CTIF: variants seen among roughly 807,000 people sequenced by gnomAD.
CTIF encodes the protein cap binding complex dependent translation initiation factor.
A neutral mutation model predicts 66.0 loss-of-function variants in CTIF; 21 were observed. The observed-to-expected ratio is 0.32, with a 90% confidence interval of 0.23 to 0.46. The LOEUF is 0.46. CTIF is among the 20% of genes least tolerant of loss of function. CTIF has a pLI of 1.00. For synonymous variants in CTIF, 345 were observed against 326.4 expected (o/e 1.06, Z -0.62); for missense variants, 739 against 812.7 (o/e 0.91, Z 1.10).
At chr18:48,545,571 G>T (rs2088726391) in intron 1 of CTIF, among the ~76,000 whole-genome samples, 1 of 152,184 alleles carries the variant, frequency 6.6e-6, no homozygotes, top group African/African-American at 2.4e-5. Context: ...CTGACTAGAT[G>T]GACGGCAGCT....
At chr18:48,540,737 G>A (rs1334062852) in intron 1 of CTIF, among the ~76,000 whole-genome samples, 5 of 152,060 alleles carry the variant, frequency 3.3e-5, no homozygotes, top group African/African-American at 9.7e-5. Context: ...TGTGTGTGGG[G>A]GGCGGGGACC....
chr18:48,581,184 T>C (rs1282958079), intron 1 of CTIF, among the ~76,000 whole-genome samples: 1 of 152,230 alleles, frequency 6.6e-6, no homozygotes, highest in East Asian at 1.9e-4. Context: ...ATGCAGGGGC[T>C]GATGACTGAG....
Position 48,644,037 on chromosome 18 carries a change from A to G in CTIF, c.252+7352A>G, listed in dbSNP as rs202066418. ...TGATTCAGCCGCAAGCCCCCTTCTC[A>G]TTGCTCCAGCTGACGGTTTTTATTT... On this transcript the variant is annotated intron_variant, in intron 3 of 11. Coordinates refer to ENST00000256413, the MANE Select transcript of CTIF (RefSeq NM_014772.3). 6.6e-5 allele frequency among the ~76,000 whole-genome samples: 10 copies of G among 152,204 alleles called. No individual in the cohort carries two copies. In the East Asian group the frequency reaches 1.7e-3, roughly 26 times the overall value.
chr18:48,654,895 G>A (rs774061726), intron 3 of CTIF, among the ~76,000 whole-genome samples: 6 of 151,770 alleles, frequency 4.0e-5, no homozygotes, highest in Non-Finnish European at 5.9e-5. Flanking sequence ...AACACCACAC[G>A]TTCTCACTCA....
At chr18:48,556,827 A>G (rs1430774605) in intron 1 of CTIF, among the ~76,000 whole-genome samples, 1 of 151,944 alleles carries the variant, frequency 6.6e-6, no homozygotes, top group Non-Finnish European at 1.5e-5. Context: ...GGCCTCCCAA[A>G]GTGCTGAGAT....
intron 5 of CTIF, among the ~76,000 whole-genome samples, chr18:48,666,276 T>C (rs2091433960): frequency 6.6e-6 from 1 of 152,196 alleles, no homozygotes; most frequent in African/African-American, 2.4e-5. Flanking sequence ...TCACATGTCT[T>C]CCTGCTGCTA....
intron 6 of CTIF, among the ~76,000 whole-genome samples, chr18:48,682,727 T>C (rs1053418629): frequency 4.6e-5 from 7 of 152,220 alleles, no homozygotes; most frequent in East Asian, 1.9e-4. Flanking sequence ...GGTTTGGTGA[T>C]TCAAGGACAA....
At chr18:48,734,122 T>C (rs953913157) in intron 7 of CTIF, among the ~76,000 whole-genome samples, 1 of 152,220 alleles carries the variant, frequency 6.6e-6, no homozygotes, top group Admixed American at 6.5e-5. Flanking sequence ...GGGAACTTCC[T>C]GTAGGGGAAG....
chr18:48,541,582 A>C, intron 1 of CTIF, among the ~76,000 whole-genome samples: 1 of 152,174 alleles, frequency 6.6e-6, no homozygotes, highest in East Asian at 1.9e-4. Flanking sequence ...CGTGAACAGA[A>C]TGCACCGAAC....
chr18:48,687,691 A>G (rs1370854231), intron 6 of CTIF, among the ~76,000 whole-genome samples: 1 of 152,200 alleles, frequency 6.6e-6, no homozygotes, highest in Non-Finnish European at 1.5e-5. Context: ...TCACAGAACC[A>G]GAGAATCGTT....
chr18:48,722,069 A>G (rs1408770950), intron 7 of CTIF, among the ~76,000 whole-genome samples: 2 of 152,154 alleles, frequency 1.3e-5, no homozygotes, highest in Non-Finnish European at 2.9e-5. Context: ...TGTCTCGTGT[A>G]TCTTCAGCTC....
rs553378662 is a variant in CTIF at position 48,787,147 on chromosome 18, TG to T, written c.1371+25464del. Reference sequence around the variant, plus strand: ...CACTGGCTCTCTGGGAGCAGCTGTGTGGGGGGCACCGGCCCAGAAGGATGAC... The same window carrying T: ...CACTGGCTCTCTGGGAGCAGCTGTGTGGGGGCACCGGCCCAGAAGGATGAC... On this transcript the variant is annotated intron_variant, in intron 9 of 11. Transcript: ENST00000256413. Among the ~76,000 whole-genome samples, 181 of 152,134 alleles carry T rather than the reference TG, an allele frequency of 1.2e-3. 1 individual carries two copies. The highest frequency in any genetic ancestry group is 4.2e-3 in the African/African-American group (175 of 41,480).
At chr18:48,850,262 T>C (rs1568268589) in intron 10 of CTIF, among the ~76,000 whole-genome samples, 1 of 152,256 alleles carries the variant, frequency 6.6e-6, no homozygotes, top group Non-Finnish European at 1.5e-5. Context: ...TTTATTCATC[T>C]TTCAGTGAAC....
chr18:48,644,649 G>A (rs1219248544), intron 3 of CTIF, among the ~76,000 whole-genome samples: 1 of 152,238 alleles, frequency 6.6e-6, no homozygotes, highest in African/African-American at 2.4e-5. Flanking sequence ...TTGGGTGCTT[G>A]CTGTATACAT....
intron 3 of CTIF, among the ~76,000 whole-genome samples, chr18:48,641,302 A>G (rs979130067): frequency 6.6e-6 from 1 of 152,232 alleles, no homozygotes; most frequent in East Asian, 1.9e-4. Context: ...CAAGAACAGG[A>G]AATTAATATG....
At position 48,597,570 on chromosome 18, in the gene CTIF, C is replaced by A. The variant is rs541890173; in HGVS notation, c.-28-21968C>A. Among the ~76,000 whole-genome samples the A allele has an allele frequency of 2.8e-5, 4 of 144,368 alleles. No homozygotes were observed. The East Asian group carries it at 6.7e-4, about 24-fold the overall frequency. 94.7% of individuals were successfully genotyped at this position (144,368 alleles called of 152,430 possible). A position where few individuals can be genotyped will look rare whatever the true frequency, so the allele number is the denominator to read the frequency against. On this transcript the variant is annotated intron_variant, in intron 1 of 11. Coordinates refer to ENST00000256413, the MANE Select transcript of CTIF (RefSeq NM_014772.3). ...TGTGTGGTACCCTCCCCCCGCCCCA[C>A]CCCTGCCTTGCTCCTGCCCTGGCCA...
intron 9 of CTIF, among the ~76,000 whole-genome samples, chr18:48,763,783 G>A (rs1483786168): frequency 6.6e-6 from 1 of 152,216 alleles, no homozygotes; most frequent in African/African-American, 2.4e-5. Flanking sequence ...TCTCGGGCAG[G>A]GGCACGAGGG....
At chr18:48,634,541 TC>T (rs2090777508) in intron 2 of CTIF, among the ~76,000 whole-genome samples, 1 of 152,198 alleles carries the variant, frequency 6.6e-6, no homozygotes, top group Non-Finnish European at 1.5e-5. Context: ...AGTCCAGGGT[TC>T]CCGGTCATGC....
intron 9 of CTIF, among the ~76,000 whole-genome samples, chr18:48,769,935 AT>A (rs2145953518): frequency 6.6e-6 from 1 of 152,292 alleles, no homozygotes; most frequent in Non-Finnish European, 1.5e-5. Flanking sequence ...CCCAGGTGGG[AT>A]ACCTCAATGT....
Sources: gnomAD v4.1 joint callset for allele counts (sites outside exome capture counted in the v4.1 genomes callset) on GRCh38, gnomAD v4.1.1 for gene constraint, MANE v1.5 for transcripts, NCBI Gene and HGNC (gene_info 2026-07-23, HGNC 2026-07-21) for gene names.